The following GRM7 variants were observed in gnomAD, a reference collection of about 807,000 sequenced individuals.
The protein encoded by GRM7 is metabotropic glutamate receptor 7.
In GRM7, 35 loss-of-function variants were observed where a neutral mutation model predicts 84.5. That is an observed-to-expected ratio of 0.41 (90% CI 0.32 to 0.55). GRM7 has a LOEUF of 0.55. Among genes scored for constraint, GRM7 ranks in the 20% least tolerant of loss-of-function variants. GRM7 has a pLI of 0.19. For missense variants in GRM7, 1,003 were observed against 1,194.6 expected (o/e 0.84, Z 2.36); for synonymous variants, 487 against 455.1 (o/e 1.07, Z -0.89).
intron 7 of GRM7, among the ~76,000 whole-genome samples, chr3:7,487,551 G>A (rs1158933867): frequency 1.2e-4 from 18 of 152,278 alleles, no homozygotes; most frequent in Admixed American, 1.2e-3. Context: ...TCACATCCAA[G>A]ACACTTCAGT....
intron 7 of GRM7, among the ~76,000 whole-genome samples, chr3:7,487,629 G>T (rs913855596): frequency 1.3e-5 from 2 of 152,222 alleles, no homozygotes; most frequent in African/African-American, 4.8e-5. Flanking sequence ...AGGCCTTGTT[G>T]CCATTCACTA....
At chr3:7,381,002 A>G (rs1694566327) in intron 4 of GRM7, among the ~76,000 whole-genome samples, 1 of 152,176 alleles carries the variant, frequency 6.6e-6, no homozygotes, top group South Asian at 2.1e-4. Context: ...AGGAATTATG[A>G]TAAGAGAGGC....
At chr3:7,537,939 C>G (rs1692645537) in intron 7 of GRM7, among the ~76,000 whole-genome samples, 1 of 152,050 alleles carries the variant, frequency 6.6e-6, no homozygotes, top group African/African-American at 2.4e-5. Flanking sequence ...TGTTTTGTTT[C>G]CCCGCTCCCC....
At chr3:7,051,924 T>C (rs1304521319) in intron 1 of GRM7, among the ~76,000 whole-genome samples, 1 of 151,822 alleles carries the variant, frequency 6.6e-6, no homozygotes, top group Non-Finnish European at 1.5e-5. Context: ...CTAATCTAAT[T>C]AATTCTTTTA....
chr3:7,087,392 CTTT>C lies in GRM7; in HGVS notation c.520-59048_520-59046del, dbSNP rs55998387. On this transcript the variant is annotated intron_variant, in intron 1 of 9. Coordinates refer to ENST00000357716, the MANE Select transcript of GRM7 (RefSeq NM_000844.4). ...TATATTTTCTATTCTAGAATATGCT[CTTT>C]TTTTTTTTTTTACCCCAACCGAAAA... 1.3e-3 allele frequency among the ~76,000 whole-genome samples: 186 copies of C among 147,068 alleles called. No homozygotes were observed. In the Middle Eastern group the frequency reaches 0.018, roughly 14 times the overall value.
intron 1 of GRM7, among the ~76,000 whole-genome samples, chr3:6,945,438 A>C (rs1259850812): frequency 6.6e-6 from 1 of 152,172 alleles, no homozygotes. Flanking sequence ...TATATGTGCC[A>C]CATTTTCTTA....
intron 4 of GRM7, among the ~76,000 whole-genome samples, chr3:7,324,805 A>G (rs1700921730): frequency 6.6e-6 from 1 of 152,098 alleles, no homozygotes; most frequent in Non-Finnish European, 1.5e-5. Context: ...GTGTTGAGTC[A>G]TAGACAAATC....
chr3:7,109,755 TC>T, intron 1 of GRM7, among the ~76,000 whole-genome samples: 1 of 152,278 alleles, frequency 6.6e-6, no homozygotes, highest in South Asian at 2.1e-4. Flanking sequence ...TCTGTATATT[TC>T]TTTTTTTAAA....
chr3:7,109,331 T>A (rs2125031652), intron 1 of GRM7, among the ~76,000 whole-genome samples: 1 of 152,274 alleles, frequency 6.6e-6, no homozygotes, highest in East Asian at 1.9e-4. Flanking sequence ...GTCTTTGTTT[T>A]AATTCTTACA....
At chr3:7,612,258 T>C (rs940425735) in intron 8 of GRM7, among the ~76,000 whole-genome samples, 1 of 152,202 alleles carries the variant, frequency 6.6e-6, no homozygotes, top group East Asian at 1.9e-4. Context: ...AACCTCCCTG[T>C]CTCATCTATA....
chr3:7,332,340 T>C lies in GRM7; in HGVS notation c.1033+25688T>C, dbSNP rs369949528. ...GAACTAAGATCATATACCTGGTTAA[T>C]AGTGAGGGTTGGACTTTGGCTGCAG... is the stretch of plus-strand genomic sequence containing the variant. On this transcript the variant is annotated intron_variant, in intron 4 of 9. Coordinates refer to ENST00000357716, the MANE Select transcript of GRM7 (RefSeq NM_000844.4). Among the ~76,000 whole-genome samples, 29 of 152,300 alleles carry C rather than the reference T, an allele frequency of 1.9e-4. No individual in the cohort carries two copies. In the South Asian group the frequency reaches 3.9e-3, roughly 21 times the overall value.
At chr3:7,105,801 A>G (rs1162672966) in intron 1 of GRM7, among the ~76,000 whole-genome samples, 1 of 151,862 alleles carries the variant, frequency 6.6e-6, no homozygotes, top group South Asian at 2.1e-4. Flanking sequence ...TTTTCTATAT[A>G]TGGTATTTGA....
chr3:7,545,460 C>T (rs1693102814), intron 7 of GRM7, among the ~76,000 whole-genome samples: 1 of 152,196 alleles, frequency 6.6e-6, no homozygotes, highest in African/African-American at 2.4e-5. Context: ...ATTTCTGTCT[C>T]ATTACAGTGA....
At position 7,507,015 on chromosome 3, in the gene GRM7, T is replaced by G. The variant is rs562055110; in HGVS notation, c.1515+45293T>G. ...ACCATTTTTATAATTATGTCTTCAG[T>G]GTGAGCTTCTACAAGCATAGACCTA... On this transcript the variant is annotated intron_variant, in intron 7 of 9. Transcript: ENST00000357716. Among the ~76,000 whole-genome samples the G allele has an allele frequency of 2.0e-5, 3 of 152,314 alleles. No homozygotes were observed. In the South Asian group the frequency reaches 6.2e-4, roughly 32 times the overall value.
intron 8 of GRM7, among the ~76,000 whole-genome samples, chr3:7,596,562 T>G (rs1251521458): frequency 2.0e-5 from 3 of 151,772 alleles, no homozygotes; most frequent in African/African-American, 4.8e-5. Context: ...AGAGGGTAAA[T>G]GGGAGGGAAC....
At chr3:6,959,084 T>G (rs1241657407) in intron 1 of GRM7, among the ~76,000 whole-genome samples, 1 of 152,220 alleles carries the variant, frequency 6.6e-6, no homozygotes, top group African/African-American at 2.4e-5. Context: ...CTGAAAGTGA[T>G]AGCTATGCTT....
chr3:7,723,548 A>G (rs1702023528), intron 9 of GRM7, among the ~76,000 whole-genome samples: 1 of 152,140 alleles, frequency 6.6e-6, no homozygotes, highest in African/African-American at 2.4e-5. Context: ...AATCTGAAAT[A>G]AGGAATTTAG....
intron 1 of GRM7, among the ~76,000 whole-genome samples, chr3:6,934,369 A>C (rs766794925): frequency 3.4e-4 from 52 of 152,202 alleles, no homozygotes; most frequent in Non-Finnish European, 5.9e-4. Flanking sequence ...GCACAGATAC[A>C]ATAGTAAGGT....
rs1559514559 is a variant in GRM7 at position 7,229,740 on chromosome 3, TATATATATATATATATA to T, written c.737-68943_737-68927del. 6.7e-4 allele frequency among the ~76,000 whole-genome samples: 21 copies of T among 31,220 alleles called. 2 individuals are homozygous for T. The highest frequency in any genetic ancestry group is 1.4e-3 in the Non-Finnish European group (20 of 14,226). 20.5% of individuals were successfully genotyped at this position (31,220 alleles called of 152,430 possible). A position where few individuals can be genotyped will look rare whatever the true frequency, so the allele number is the denominator to read the frequency against. ...ATAGACACACACATATATATATATA[TATATATATATATATATA>T]TATTTTTTTTTTTTTTTGGTTGACA... On this transcript the variant is annotated intron_variant, in intron 2 of 9. Transcript: ENST00000357716.
Sources: gnomAD v4.1 joint callset for allele counts (sites outside exome capture counted in the v4.1 genomes callset) on GRCh38, gnomAD v4.1.1 for gene constraint, MANE v1.5 for transcripts, NCBI Gene and HGNC (gene_info 2026-07-23, HGNC 2026-07-21) for gene names.